The following BIRC3 variants were observed in gnomAD, a reference collection of about 807,000 sequenced individuals.
BIRC3 encodes the protein baculoviral IAP repeat-containing protein 3.
In BIRC3, 26 loss-of-function variants were observed where a neutral mutation model predicts 59.0. The observed-to-expected ratio is 0.44, with a 90% confidence interval of 0.32 to 0.61. The LOEUF (loss-of-function observed/expected upper bound fraction) is 0.61, where lower values mean the gene tolerates loss of function less well. Ranked by LOEUF, BIRC3 falls within the 20% of genes least tolerant of loss-of-function variation. The probability of loss-of-function intolerance (pLI) is 0.04; values close to 1 mark genes in which losing one functional copy is unlikely to be tolerated. For synonymous variants in BIRC3, 243 were observed against 249.2 expected (o/e 0.98, Z 0.24); for missense variants, 641 against 711.5 (o/e 0.90, Z 1.13).
chr11:102,331,321 G>A, intron 6 of BIRC3, 80 bp downstream of exon 6: 1 of 1,351,042 alleles, frequency 7.4e-7, no homozygotes, highest in Non-Finnish European at 9.7e-7. Flanking sequence ...TACTCATCTA[G>A]CATATCTGAA....
intron 7 of BIRC3, 200 bp from the exon 8 acceptor site, chr11:102,336,560 C>T: frequency 1.6e-6 from 1 of 611,798 alleles, no homozygotes; most frequent in South Asian, 2.2e-5. Context: ...TGCCACTGCA[C>T]TCCAGCTTGG....
Position 102,327,934 on chromosome 11 carries a change from G to A in BIRC3, c.954-118G>A, listed in dbSNP as rs1591521968. On this transcript the variant is annotated intron_variant, in intron 3 of 8. Coordinates refer to ENST00000263464, the MANE Select transcript of BIRC3 (RefSeq NM_001165.5). ...ATGATCTTAAATGATTCTGTGATTT[G>A]AGGCAAACAACCAGATTTGAAATGG... 1.3e-5 allele frequency: 9 copies of A among 702,246 alleles called. No homozygotes were observed. The East Asian group carries it at 2.7e-4, about 21-fold the overall frequency. The allele number at this position is 702,246 out of a possible 1,614,324, so 43.5% of individuals were successfully genotyped here.
chr11:102,330,679 A>G (rs1951129278), intron 5 of BIRC3, among the ~76,000 whole-genome samples: 2 of 152,230 alleles, frequency 1.3e-5, no homozygotes, highest in African/African-American at 2.4e-5. Context: ...TTCATTCAAC[A>G]TAGGGAAAAA....
intron 3 of BIRC3, among the ~76,000 whole-genome samples, chr11:102,327,778 A>G (rs981347836): frequency 5.9e-5 from 9 of 152,204 alleles, no homozygotes; most frequent in African/African-American, 2.2e-4. Flanking sequence ...CACACAAAAA[A>G]TTTGAATCCT....
rs780425200 is a variant in BIRC3 at position 102,338,740 on chromosome 11, A to C, written c.*1638A>C. The C allele has an allele frequency of 4.4e-6, 1 of 228,042 alleles. No individual in the cohort carries two copies. The highest frequency in any genetic ancestry group is 8.7e-6 in the Non-Finnish European group (1 of 114,836). 14.1% of individuals were successfully genotyped at this position (228,042 alleles called of 1,614,324 possible). Reference sequence around the variant, plus strand: ...ATTTATTTATGGCCAGCTCTTACATAGTTAGGTGAGGAAAGATTAGAGTAC... The same window carrying C: ...ATTTATTTATGGCCAGCTCTTACATCGTTAGGTGAGGAAAGATTAGAGTAC... On this transcript the variant is annotated 3_prime_UTR_variant, in exon 9 of 9. Coordinates refer to ENST00000263464, the MANE Select transcript of BIRC3 (RefSeq NM_001165.5).
intron 1 of BIRC3, chr11:102,319,827 A>T (rs1951012708): frequency 1.3e-5 from 2 of 152,242 alleles, no homozygotes; most frequent in Admixed American, 1.3e-4. Context: ...CAGAGGTTGA[A>T]GTGATCTAGG....
rs2135787432 is a variant in BIRC3, at chr11:102,328,960, TA to T, written c.1081+17del. On this transcript the variant is annotated intron_variant, in intron 5 of 8. Transcript: ENST00000263464. ...AGAGTCATCAAGTAAGTACAATGGA[TA>T]ATAATGAATGCATTTAAATAGAGTC... 7.0e-7 allele frequency: 1 copy of T among 1,427,334 alleles called. No individual in the cohort carries two copies. Among genetic ancestry groups the T allele is most frequent in the Non-Finnish European group, 9.3e-7 (1 of 1,074,220 alleles). 88.4% of individuals were successfully genotyped at this position (1,427,334 alleles called of 1,614,324 possible). A position where few individuals can be genotyped will look rare whatever the true frequency, so the allele number is the denominator to read the frequency against.
intron 7 of BIRC3, 179 bp downstream of exon 7, chr11:102,336,399 C>A: frequency 2.8e-6 from 2 of 702,918 alleles, no homozygotes; most frequent in East Asian, 2.8e-5. Flanking sequence ...TGAGACCAGA[C>A]TGGACAACGT....
intron 1 of BIRC3, among the ~76,000 whole-genome samples, chr11:102,320,783 A>G (rs1305193627): frequency 6.6e-6 from 1 of 152,374 alleles, no homozygotes; most frequent in East Asian, 1.9e-4. Flanking sequence ...TGCCAGTTCA[A>G]TGACAAATAG....
chr11:102,333,498 T>A (rs1951165551), intron 6 of BIRC3, among the ~76,000 whole-genome samples: 1 of 150,976 alleles, frequency 6.6e-6, no homozygotes, highest in Non-Finnish European at 1.5e-5. Context: ...CCCAGGGAGG[T>A]TGAGGCTGCA....
chr11:102,327,624 A>G (rs1364232805), intron 3 of BIRC3, among the ~76,000 whole-genome samples: 1 of 152,042 alleles, frequency 6.6e-6, no homozygotes, highest in African/African-American at 2.4e-5. Context: ...TGGGTGACAG[A>G]GCGAGACTCT....
chr11:102,333,199 G>A (rs994594912), intron 6 of BIRC3, among the ~76,000 whole-genome samples: 5 of 151,978 alleles, frequency 3.3e-5, no homozygotes, highest in African/African-American at 7.3e-5. Context: ...TAATGATTAC[G>A]TTATAGTTTC....
Position 102,324,598 on chromosome 11 carries a change from T to G in BIRC3, c.89T>G (p.Leu30Arg). The G allele has an allele frequency of 6.2e-7, 1 of 1,614,216 alleles. No individual in the cohort carries two copies. Among genetic ancestry groups the G allele is most frequent in the East Asian group, 2.2e-5 (1 of 44,886 alleles). ...FELKYDLSCE[L>R]YRMSTYSTFP... The stretch of plus-strand genomic sequence containing the variant: ...CTGAAATACGACTTGTCATGTGAAC[T>G]GTACCGAATGTCTACGTATTCCACT... Residue 30 changes from leucine to arginine, a missense_variant, in exon 2 of 9, where the codon CTG (leucine) becomes CGG (arginine). Transcript: ENST00000263464.
In BIRC3 at chr11:102,323,125, A is replaced by G. The variant is rs1239436797; in HGVS notation, c.-1385A>G. 1 of 199,026 alleles carries G rather than the reference A, an allele frequency of 5.0e-6. No individual in the cohort carries two copies. Among genetic ancestry groups the G allele is most frequent in the Admixed American group, 6.0e-5 (1 of 16,614 alleles). The allele number at this position is 199,026 out of a possible 1,614,324, so 12.3% of individuals were successfully genotyped here. On this transcript the variant is annotated 5_prime_UTR_variant, in exon 2 of 9. Transcript: ENST00000263464. ...GTTGGCTTCAGAAACATTTAGAAAA[A>G]CAAAAGTTCAAAAATGTTTTCAGGA...
At chr11:102,317,976 C>G (rs923236214) in intron 1 of BIRC3, among the ~76,000 whole-genome samples, 2 of 152,280 alleles carry the variant, frequency 1.3e-5, no homozygotes, top group East Asian at 1.9e-4. Context: ...ACGCATGTTT[C>G]CAAGCGGTGG....
rs1951039615 is a variant in BIRC3 at position 102,322,426 on chromosome 11, C to G, written c.-2084C>G. ...GGTCAAGAAATTATCCAGTTATTTACAAGGCCACTGATATTTTAAACGTCC... is the reference window on the plus strand; with the variant it reads ...GGTCAAGAAATTATCCAGTTATTTAGAAGGCCACTGATATTTTAAACGTCC... On this transcript the variant is annotated 5_prime_UTR_variant, in exon 2 of 9. Transcript: ENST00000263464. 4.8e-6 allele frequency: 1 copy of G among 207,160 alleles called. No individual in the cohort carries two copies. The highest frequency in any genetic ancestry group is 5.9e-5 in the Admixed American group (1 of 16,816). 12.8% of individuals were successfully genotyped at this position (207,160 alleles called of 1,614,324 possible).
At position 102,336,011 on chromosome 11, in the gene BIRC3, A is replaced by G; in HGVS notation, c.1370A>G (p.His457Arg). 1 of 1,612,666 alleles carries G rather than the reference A, an allele frequency of 6.2e-7. No homozygotes were observed. The highest frequency in any genetic ancestry group is 8.5e-7 in the Non-Finnish European group (1 of 1,179,382). ...AAGAATAGAATGGCACTTTTTCAACATTTGACTTGTGTAATTCCAATCCTG... is the reference window on the plus strand; with the variant it reads ...AAGAATAGAATGGCACTTTTTCAACGTTTGACTTGTGTAATTCCAATCCTG... ...IRKNRMALFQ[H>R]LTCVIPILDS... Residue 457 changes from histidine (H) to arginine (R), a missense_variant, in exon 7 of 9, where the codon CAT becomes CGT. Physicochemically the swap from His to Arg is conservative, Grantham distance 29 (BLOSUM62 0). This residue lies in a region of BIRC3 where 268 missense variants were observed against 255.7 expected (regional missense o/e 1.05). Coordinates refer to ENST00000263464, the MANE Select transcript of BIRC3 (RefSeq NM_001165.5).
chr11:102,324,770 A>T lies in BIRC3; in HGVS notation c.261A>T (p.Lys87Asn). Reference protein sequence around the residue: ...KRGDSPTEKHKKLYPSCRFVQ... With the variant: ...KRGDSPTEKHNKLYPSCRFVQ... ...GAGACAGTCCTACTGAAAAGCATAA[A>T]AAGTTGTATCCTAGCTGCAGATTCG... The change falls in exon 2 of 9, where the codon AAA (lysine) becomes AAT (asparagine). Residue 87 changes from lysine to asparagine, a missense_variant. Lys to Asn is a moderately conservative substitution (Grantham distance 94). Around this residue, in one of 4 missense-constraint regions of BIRC3, gnomAD observed 329 missense variants for 365.6 expected, o/e 0.90. Coordinates refer to ENST00000263464, the MANE Select transcript of BIRC3 (RefSeq NM_001165.5). 1 of 1,614,138 alleles carries T rather than the reference A, an allele frequency of 6.2e-7. No individual in the cohort carries two copies. The highest frequency in any genetic ancestry group is 8.5e-7 in the Non-Finnish European group (1 of 1,180,018).
At chr11:102,328,552 A>C (rs1951107125) in intron 4 of BIRC3, among the ~76,000 whole-genome samples, 1 of 152,036 alleles carries the variant, frequency 6.6e-6, no homozygotes, top group Non-Finnish European at 1.5e-5. Flanking sequence ...ACAGGGTCCA[A>C]CTTATCCCAA....
Sources: allele counts gnomAD v4.1 joint callset (sites outside exome capture counted in the v4.1 genomes callset), GRCh38; gene constraint gnomAD v4.1.1; regional missense constraint gnomAD v4.1.1; transcripts MANE v1.5; gene names NCBI Gene and HGNC (gene_info 2026-07-23, HGNC 2026-07-21).